The following CCSER1 variants were observed in gnomAD, a reference collection of about 807,000 sequenced individuals.
The protein encoded by CCSER1 is coiled-coil serine rich protein 1, also known as serine-rich coiled-coil domain-containing protein 1.
A neutral mutation model predicts 82.0 loss-of-function variants in CCSER1; 41 were observed. That is an observed-to-expected ratio of 0.50 (90% CI 0.39 to 0.65). The LOEUF is 0.65. Ranked by LOEUF, CCSER1 falls within the 30% of genes least tolerant of loss-of-function variation. The pLI, the probability that CCSER1 is intolerant of heterozygous loss-of-function variation, is 0.00. For synonymous variants in CCSER1, 414 were observed against 383.9 expected (o/e 1.08, Z -0.92); for missense variants, 1,119 against 1,064.2 (o/e 1.05, Z -0.72).
At chr4:91,553,698 T>G (rs1171595691) in intron 10 of CCSER1, among the ~76,000 whole-genome samples, 1 of 151,248 alleles carries the variant, frequency 6.6e-6, no homozygotes, top group Non-Finnish European at 1.5e-5. Flanking sequence ...AATTATTCAA[T>G]TTGTTGTTGC....
chr4:90,146,156 T>C (rs1181179004), intron 1 of CCSER1, among the ~76,000 whole-genome samples: 3 of 152,128 alleles, frequency 2.0e-5, no homozygotes, highest in Admixed American at 6.6e-5. Context: ...TTTTGATGTG[T>C]GATTCTGTAA....
At chr4:90,365,344 T>C (rs1235983082) in intron 3 of CCSER1, among the ~76,000 whole-genome samples, 1 of 151,806 alleles carries the variant, frequency 6.6e-6, no homozygotes, top group Non-Finnish European at 1.5e-5. Context: ...ATACCATATT[T>C]ACATATGTAT....
At chr4:90,748,087 C>T (rs1259659829) in intron 7 of CCSER1, among the ~76,000 whole-genome samples, 2 of 141,882 alleles carry the variant, frequency 1.4e-5, no homozygotes, top group South Asian at 2.2e-4. Context: ...GCACATTGTG[C>T]AGGTTAGTTA....
chr4:90,604,868 ATGGGCCAATCAGCTCTCTGTAAAG>A (rs1203504877), intron 5 of CCSER1, among the ~76,000 whole-genome samples: 3 of 152,174 alleles, frequency 2.0e-5, no homozygotes, highest in South Asian at 2.1e-4. Flanking sequence ...CCCTGTCAAA[ATGGGCCAATCAGCTCTCTGTAAAG>A]TGGGCCAATC....
chr4:91,402,469 C>T (rs1752406758), intron 10 of CCSER1, among the ~76,000 whole-genome samples: 2 of 152,096 alleles, frequency 1.3e-5, no homozygotes, highest in Admixed American at 6.6e-5. Context: ...AGTCCTTGCC[C>T]ATGCCTATGT....
intron 4 of CCSER1, among the ~76,000 whole-genome samples, chr4:90,461,896 T>C (rs1033906928): frequency 6.6e-6 from 1 of 152,236 alleles, no homozygotes; most frequent in Non-Finnish European, 1.5e-5. Flanking sequence ...GGCAAATGTT[T>C]TATGTTTTAT....
intron 5 of CCSER1, among the ~76,000 whole-genome samples, chr4:90,534,182 A>T (rs1052332901): frequency 6.6e-6 from 1 of 151,894 alleles, no homozygotes; most frequent in Admixed American, 6.6e-5. Context: ...CAGGCTGGAG[A>T]GCAGTGGCTC....
chr4:90,917,789 T>C (rs1001310095), intron 8 of CCSER1, among the ~76,000 whole-genome samples: 1 of 152,228 alleles, frequency 6.6e-6, no homozygotes, highest in East Asian at 1.9e-4. Flanking sequence ...AAATTCTCTT[T>C]GTCCCACCTA....
At chr4:91,115,841 T>TTTTATATATATATATATATATA (rs747363416) in intron 10 of CCSER1, among the ~76,000 whole-genome samples, 2 of 115,212 alleles carry the variant, frequency 1.7e-5, no homozygotes, top group African/African-American at 7.5e-5. Flanking sequence ...TTCCATTCTT[T>TTTTATATATATATATATATATA]TATATATATA....
At chr4:90,818,054 C>A (rs766710093) in intron 8 of CCSER1, among the ~76,000 whole-genome samples, 17 of 151,948 alleles carry the variant, frequency 1.1e-4, no homozygotes, top group Non-Finnish European at 2.2e-4. Context: ...GATTTCTTGA[C>A]CACTGTTATT....
chr4:91,175,574 T>C (rs1403693784), intron 10 of CCSER1, among the ~76,000 whole-genome samples: 1 of 152,166 alleles, frequency 6.6e-6, no homozygotes, highest in African/African-American at 2.4e-5. Flanking sequence ...TGATGGGCAG[T>C]GATGATGAGC....
intron 1 of CCSER1, among the ~76,000 whole-genome samples, chr4:90,268,370 GA>G (rs2153452284): frequency 6.6e-6 from 1 of 152,132 alleles, no homozygotes; most frequent in Admixed American, 6.5e-5. Context: ...TAATAAAATA[GA>G]AACAATGATA....
chr4:91,222,716 G>T (rs909868402), intron 10 of CCSER1, among the ~76,000 whole-genome samples: 5 of 152,050 alleles, frequency 3.3e-5, no homozygotes, highest in East Asian at 1.9e-4. Flanking sequence ...CAACAAAATT[G>T]TATGTGATAA....
chr4:91,006,499 T>C (rs1738524427), intron 9 of CCSER1, among the ~76,000 whole-genome samples: 2 of 151,846 alleles, frequency 1.3e-5, no homozygotes, highest in South Asian at 2.1e-4. Flanking sequence ...TTTCTTTTTT[T>C]TTTTTTCTTA....
At chr4:91,146,620 G>T (rs2148941543) in intron 10 of CCSER1, among the ~76,000 whole-genome samples, 1 of 150,520 alleles carries the variant, frequency 6.6e-6, no homozygotes, top group East Asian at 2.0e-4. Context: ...TAGGGCTTTT[G>T]TTTTTATATT....
At chr4:91,006,536 A>C (rs898486062) in intron 9 of CCSER1, among the ~76,000 whole-genome samples, 6 of 148,104 alleles carry the variant, frequency 4.1e-5, no homozygotes. Flanking sequence ...GTCACCCAGG[A>C]TGGAGTGCAG....
intron 5 of CCSER1, among the ~76,000 whole-genome samples, chr4:90,577,932 T>C (rs1159043929): frequency 2.0e-5 from 3 of 152,130 alleles, no homozygotes; most frequent in Non-Finnish European, 4.4e-5. Context: ...GATATTAATA[T>C]TTATTGCCTT....
Position 91,552,868 on chromosome 4 carries a change from T to C in CCSER1, c.2218-45704T>C, listed in dbSNP as rs914878581. Among the ~76,000 whole-genome samples, 10 of 151,656 alleles carry C rather than the reference T, an allele frequency of 6.6e-5. 1 individual carries two copies. Among genetic ancestry groups the C allele is most frequent in the African/African-American group, 2.4e-4 (10 of 41,232 alleles). ...TTTTTATTTGGAGGTCTTTAATTTC[T>C]TTTTCTTGCTTAATTGCTCTACATA... On this transcript the variant is annotated intron_variant, in intron 10 of 10. Coordinates refer to ENST00000509176, the MANE Select transcript of CCSER1 (RefSeq NM_001145065.2).
chr4:91,357,908 A>T (rs1209276078), intron 10 of CCSER1, among the ~76,000 whole-genome samples: 2 of 98,210 alleles, frequency 2.0e-5, no homozygotes, highest in African/African-American at 8.0e-5. Flanking sequence ...TTTTTTGAAG[A>T]TAACCATTCC....
Sources: allele counts gnomAD v4.1 joint callset (sites outside exome capture counted in the v4.1 genomes callset), GRCh38; gene constraint gnomAD v4.1.1; transcripts MANE v1.5; gene names NCBI Gene and HGNC (gene_info 2026-07-23, HGNC 2026-07-21).